Variants in TNNI3K observed in about 807,000 individuals in gnomAD.
The protein encoded by TNNI3K is serine/threonine-protein kinase TNNI3K.
Under a neutral mutation model 114.5 loss-of-function variants are expected in TNNI3K, and 140 were observed. The observed-to-expected ratio is 1.22, with a 90% CI of 1.07 to 1.41. The LOEUF (loss-of-function observed/expected upper bound fraction) is 1.41, where lower values mean the gene tolerates loss of function less well. Ranked by LOEUF, TNNI3K falls within the 40% of genes most tolerant of loss-of-function variation. The pLI is 0.00. For synonymous variants in TNNI3K, 347 were observed against 347.5 expected (o/e 1.00, Z 0.02); for missense variants, 1,125 against 1,007.6 (o/e 1.12, Z -1.58).
chr1:74,540,941 C>G lies in TNNI3K; in HGVS notation c.2431+628C>G, dbSNP rs544367946. On this transcript the variant is annotated intron_variant, in intron 24 of 24. Coordinates refer to ENST00000326637, the MANE Select transcript of TNNI3K (RefSeq NM_015978.3). ...AAAGTTTTTTTCAGGCCTCTGGAAG[C>G]CAGAGGATGGACAATTGCCTTTATC... Among the ~76,000 whole-genome samples the G allele has an allele frequency of 2.0e-4, 30 of 152,234 alleles. No individual in the cohort carries two copies. In the South Asian group the frequency reaches 6.0e-3, roughly 31 times the overall value.
At chr1:74,401,524 T>C (rs1432778712) in intron 17 of TNNI3K, among the ~76,000 whole-genome samples, 1 of 152,204 alleles carries the variant, frequency 6.6e-6, no homozygotes, top group Non-Finnish European at 1.5e-5. Flanking sequence ...GTTCAGTTAT[T>C]GGGAAGCTAA....
At chr1:74,525,328 T>C (rs1646488770) in intron 23 of TNNI3K, among the ~76,000 whole-genome samples, 1 of 152,150 alleles carries the variant, frequency 6.6e-6, no homozygotes. Context: ...ACATGTGTGA[T>C]AAGTATTGTT....
intron 2 of TNNI3K, among the ~76,000 whole-genome samples, chr1:74,246,263 A>T (rs1404181963): frequency 1.3e-5 from 2 of 152,202 alleles, no homozygotes; most frequent in African/African-American, 4.8e-5. Context: ...TATATTATGG[A>T]TGTCTTGGAA....
chr1:74,466,122 A>G (rs893005126), intron 21 of TNNI3K, among the ~76,000 whole-genome samples: 2 of 152,196 alleles, frequency 1.3e-5, no homozygotes, highest in Non-Finnish European at 1.5e-5. Flanking sequence ...AACTCCGGAC[A>G]TATCTGAACA....
chr1:74,276,099 T>C (rs780998487), intron 5 of TNNI3K, among the ~76,000 whole-genome samples: 12 of 152,076 alleles, frequency 7.9e-5, no homozygotes, highest in Non-Finnish European at 1.0e-4. Context: ...AGATAAAAGC[T>C]TGGGTAAAGG....
intron 11 of TNNI3K, among the ~76,000 whole-genome samples, chr1:74,361,511 A>G (rs1661965531): frequency 6.6e-6 from 1 of 152,128 alleles, no homozygotes; most frequent in Admixed American, 6.6e-5. Context: ...TTCGTTCAAC[A>G]AAAATGTATT....
At chr1:74,245,341 TTGTC>T (rs1344894979) in intron 2 of TNNI3K, among the ~76,000 whole-genome samples, 6 of 152,198 alleles carry the variant, frequency 3.9e-5, no homozygotes, top group East Asian at 3.9e-4. Context: ...ATCCTTGTCT[TTGTC>T]TGAACAAAGA....
rs762403190 is a variant in TNNI3K at position 74,343,177 on chromosome 1, T to C, written c.930T>C (p.His310=). ...ACATCTTCAGTGAAACAGCTTTTCA[T>C]AGGTAAAAGAATATTTAAGTGCAAT... ...KENIFSETAF[H]SACTYGKSID... is the part of the protein sequence containing the mutation. The change falls in exon 9 of 25, where the codon CAT becomes CAC. Residue 310 remains histidine, a splice_region_variant and synonymous_variant. Transcript: ENST00000326637. The C allele has an allele frequency of 6.2e-6, 10 of 1,609,286 alleles. No individual in the cohort carries two copies. The South Asian group carries it at 6.6e-5, about 11-fold the overall frequency.
chr1:74,419,509 T>C (rs1347702093), intron 17 of TNNI3K, among the ~76,000 whole-genome samples: 1 of 151,988 alleles, frequency 6.6e-6, no homozygotes, highest in Non-Finnish European at 1.5e-5. Flanking sequence ...CAATCACCGA[T>C]TTGTGCTATT....
intron 7 of TNNI3K, among the ~76,000 whole-genome samples, chr1:74,337,325 C>A (rs547407519): frequency 1.3e-5 from 2 of 150,996 alleles, no homozygotes; most frequent in Admixed American, 1.3e-4. Context: ...ATGGTAGTTT[C>A]TTTTGCTGTG....
chr1:74,445,928 C>A (rs1666645307), intron 20 of TNNI3K, among the ~76,000 whole-genome samples: 1 of 152,168 alleles, frequency 6.6e-6, no homozygotes, highest in Non-Finnish European at 1.5e-5. Flanking sequence ...TTTTCTTAAT[C>A]CAGTCTATCA....
chr1:74,541,011 C>T (rs986324350), intron 24 of TNNI3K, among the ~76,000 whole-genome samples: 2 of 152,122 alleles, frequency 1.3e-5, no homozygotes, highest in African/African-American at 4.8e-5. Flanking sequence ...GTCCTTTTAC[C>T]AACCTTTAAG....
intron 5 of TNNI3K, among the ~76,000 whole-genome samples, chr1:74,318,383 G>C (rs1210317650): frequency 6.6e-6 from 1 of 152,118 alleles, no homozygotes; most frequent in Non-Finnish European, 1.5e-5. Context: ...TGACTCTTAG[G>C]TTACCAGGAT....
chr1:74,257,347 A>G (rs575304462), intron 4 of TNNI3K, among the ~76,000 whole-genome samples: 2 of 152,322 alleles, frequency 1.3e-5, no homozygotes, highest in Admixed American at 6.5e-5. Flanking sequence ...TTAAATGTCC[A>G]ATCTGCTGTT....
chr1:74,540,713 G>A (rs976593145), intron 24 of TNNI3K, among the ~76,000 whole-genome samples: 3 of 152,096 alleles, frequency 2.0e-5, no homozygotes, highest in Middle Eastern at 3.4e-3. Flanking sequence ...TGGGTAGGGA[G>A]AGGAAAAACA....
In TNNI3K at chr1:74,475,551, C is replaced by T. The variant is rs76386264; in HGVS notation, c.2121+12001C>T. On this transcript the variant is annotated intron_variant, in intron 21 of 24. Coordinates refer to ENST00000326637, the MANE Select transcript of TNNI3K (RefSeq NM_015978.3). Reference sequence around the variant, plus strand: ...CGTCAAGGGTTGCAGACTCAGAGGCCGATGTTGCTTGATGGCTATTTTCCT... The same window carrying T: ...CGTCAAGGGTTGCAGACTCAGAGGCTGATGTTGCTTGATGGCTATTTTCCT... 1,776 of 717,360 alleles carry T rather than the reference C, an allele frequency of 2.5e-3. 26 individuals are homozygous for T. In the African/African-American group the frequency reaches 0.028, roughly 11 times the overall value. 44.4% of individuals were successfully genotyped at this position (717,360 alleles called of 1,614,324 possible).
intron 23 of TNNI3K, among the ~76,000 whole-genome samples, chr1:74,518,874 CTTT>C (rs1327871291): frequency 9.3e-4 from 27 of 29,058 alleles, no homozygotes; most frequent in East Asian, 8.5e-3. Flanking sequence ...TTTTTTTCCC[CTTT>C]TTTTTTTTTT....
At chr1:74,459,747 T>C (rs1479067563) in intron 20 of TNNI3K, among the ~76,000 whole-genome samples, 1 of 152,234 alleles carries the variant, frequency 6.6e-6, no homozygotes, top group Non-Finnish European at 1.5e-5. Flanking sequence ...TCTATCACTT[T>C]TGAGAAACAA....
chr1:74,342,202 G>A (rs1283253652), intron 7 of TNNI3K, among the ~76,000 whole-genome samples: 1 of 152,154 alleles, frequency 6.6e-6, no homozygotes, highest in Non-Finnish European at 1.5e-5. Flanking sequence ...ATAAGGCTGG[G>A]TGTTTCAACG....
Sources: allele counts gnomAD v4.1 joint callset (sites outside exome capture counted in the v4.1 genomes callset), GRCh38; gene constraint gnomAD v4.1.1; transcripts MANE v1.5; gene names NCBI Gene and HGNC (gene_info 2026-07-23, HGNC 2026-07-21).